FGGY: variants seen among roughly 807,000 people sequenced by gnomAD.
FGGY encodes the protein FGGY carbohydrate kinase domain-containing protein.
FGGY carries 72 observed loss-of-function variants against 71.3 expected under a neutral mutation model. The observed-to-expected ratio is 1.01, with a 90% confidence interval of 0.84 to 1.23. FGGY has a LOEUF of 1.23. Ranked by LOEUF, FGGY falls within the 50% of genes most tolerant of loss-of-function variation. The probability of loss-of-function intolerance (pLI) is 0.00; values close to 1 mark genes in which losing one functional copy is unlikely to be tolerated. For missense variants in FGGY, 668 were observed against 682.3 expected, an observed-to-expected ratio of 0.98 and a Z score of 0.23; for synonymous variants, 251 against 250.3, an observed-to-expected ratio of 1.00 and a Z score of -0.02.
chr1:59,512,576 T>C (rs1355969113), intron 7 of FGGY, 137 bp downstream of exon 7: 4 of 790,210 alleles, frequency 5.1e-6, no homozygotes, highest in Non-Finnish European at 7.2e-6. Context: ...GAAAAGCCTT[T>C]TTACAGCTAG....
chr1:59,762,689 G>A lies in FGGY; in HGVS notation c.*105G>A, dbSNP rs997278062. The A allele has an allele frequency of 1.3e-6, 1 of 797,766 alleles. No homozygotes were observed. The highest frequency in any genetic ancestry group is 2.0e-6 in the Non-Finnish European group (1 of 491,438). 49.4% of individuals were successfully genotyped at this position (797,766 alleles called of 1,614,324 possible). The stretch of plus-strand genomic sequence containing the variant: ...CTTGAGGTATTGTTTCATCATTTCT[G>A]TATTGTCTTTCAATAAAGAAAACAA... On this transcript the variant is annotated 3_prime_UTR_variant, in exon 16 of 16. Coordinates refer to ENST00000303721, the MANE Select transcript of FGGY (RefSeq NM_018291.5).
At chr1:59,720,702 AT>A (rs2097883745) in intron 14 of FGGY, among the ~76,000 whole-genome samples, 2 of 152,164 alleles carry the variant, frequency 1.3e-5, no homozygotes, top group Non-Finnish European at 2.9e-5. Flanking sequence ...TATTGTTATG[AT>A]GAATACTTGT....
In FGGY at chr1:59,599,898, A is replaced by C. The variant is rs567327211; in HGVS notation, c.904-7905A>C. Among the ~76,000 whole-genome samples the C allele has an allele frequency of 1.2e-4, 18 of 152,252 alleles. No homozygotes were observed. In the East Asian group the frequency reaches 3.1e-3, roughly 26 times the overall value. On this transcript the variant is annotated intron_variant, in intron 8 of 15. Transcript: ENST00000303721. ...GATGGGGGCAGAGGATTGGGAAATG[A>C]TAACATAGGGGATTTCAGGAGACAA...
At chr1:59,301,901 C>CTT (rs60018175) in intron 1 of FGGY, among the ~76,000 whole-genome samples, 24 of 138,398 alleles carry the variant, frequency 1.7e-4, no homozygotes, top group East Asian at 6.2e-4. Context: ...TTCTTTCTTT[C>CTT]TTTTTTTTTT....
intron 9 of FGGY, among the ~76,000 whole-genome samples, chr1:59,614,353 TC>T (rs2096726091): frequency 6.6e-6 from 1 of 152,104 alleles, no homozygotes; most frequent in South Asian, 2.1e-4. Context: ...CATATGCAAA[TC>T]AATAAACGTA....
chr1:59,614,428 G>A (rs1207686226), intron 9 of FGGY, among the ~76,000 whole-genome samples: 3 of 152,058 alleles, frequency 2.0e-5, no homozygotes, highest in Non-Finnish European at 4.4e-5. Context: ...TGCAGAAAAG[G>A]CCTTTGACAA....
chr1:59,725,748 A>G (rs531535391), intron 14 of FGGY, among the ~76,000 whole-genome samples: 12 of 152,126 alleles, frequency 7.9e-5, no homozygotes, highest in Admixed American at 5.9e-4. Flanking sequence ...CCTGTATCCT[A>G]TACCCTTACT....
chr1:59,444,891 T>C (rs1191094319), intron 5 of FGGY, among the ~76,000 whole-genome samples: 2 of 152,150 alleles, frequency 1.3e-5, no homozygotes, highest in Non-Finnish European at 2.9e-5. Context: ...CAGAGTTTAT[T>C]TCTCCTTATC....
Position 59,409,594 on chromosome 1 carries a change from TTTTTTATA to T in FGGY, c.554+30759_554+30766del, listed in dbSNP as rs1477001841. The stretch of plus-strand genomic sequence containing the variant: ...TTATTGCAAGCCTGTGAAGGAAGAG[TTTTTTATA>T]TATATATATATATATATATATAAAC... On this transcript the variant is annotated intron_variant, in intron 5 of 15. Transcript: ENST00000303721. 4.4e-4 allele frequency among the ~76,000 whole-genome samples: 58 copies of T among 132,164 alleles called. 3 individuals are homozygous for T. Among genetic ancestry groups the T allele is most frequent in the African/African-American group, 1.9e-3 (54 of 28,850 alleles). The allele number at this position is 132,164 out of a possible 152,430, so 86.7% of individuals were successfully genotyped here.
At position 59,520,927 on chromosome 1, in the gene FGGY, G is replaced by A. The variant is rs117742040; in HGVS notation, c.799+8488G>A. On this transcript the variant is annotated intron_variant, in intron 7 of 15. Coordinates refer to ENST00000303721, the MANE Select transcript of FGGY (RefSeq NM_018291.5). Reference sequence around the variant, plus strand: ...TCAGACCAGAGCAGAACCGTGCTGCGCAGGAGCCAGGCCAGGCGCTGGCCA... The same window carrying A: ...TCAGACCAGAGCAGAACCGTGCTGCACAGGAGCCAGGCCAGGCGCTGGCCA... Among the ~76,000 whole-genome samples, 26 of 151,788 alleles carry A rather than the reference G, an allele frequency of 1.7e-4. No homozygotes were observed. In the South Asian group the frequency reaches 1.9e-3, roughly 11 times the overall value.
At chr1:59,591,579 A>G (rs1295333161) in intron 8 of FGGY, among the ~76,000 whole-genome samples, 1 of 152,200 alleles carries the variant, frequency 6.6e-6, no homozygotes, top group Non-Finnish European at 1.5e-5. Flanking sequence ...TGGTACTGGT[A>G]ACAAAACAGA....
intron 2 of FGGY, among the ~76,000 whole-genome samples, chr1:59,325,305 C>T (rs1259576056): frequency 1.3e-5 from 2 of 152,082 alleles, no homozygotes; most frequent in Non-Finnish European, 2.9e-5. Context: ...TGCAGTGAGC[C>T]GAGATTGCGC....
intron 8 of FGGY, among the ~76,000 whole-genome samples, chr1:59,555,641 GA>G (rs986207375): frequency 1.3e-5 from 2 of 152,162 alleles, no homozygotes. Context: ...GGACTTTAAG[GA>G]AATAGATTTC....
intron 1 of FGGY, among the ~76,000 whole-genome samples, chr1:59,319,346 A>G (rs1557527601): frequency 1.3e-5 from 2 of 152,230 alleles, no homozygotes; most frequent in African/African-American, 2.4e-5. Context: ...CTGAAAACCT[A>G]TTATGTGCCA....
At chr1:59,561,414 T>A (rs1049549145) in intron 8 of FGGY, among the ~76,000 whole-genome samples, 2 of 151,916 alleles carry the variant, frequency 1.3e-5, no homozygotes, top group Non-Finnish European at 2.9e-5. Context: ...GAGGAGAGGG[T>A]TGATGTGGTT....
intron 6 of FGGY, among the ~76,000 whole-genome samples, chr1:59,471,100 A>C (rs2092918512): frequency 6.6e-6 from 1 of 152,156 alleles, no homozygotes; most frequent in Non-Finnish European, 1.5e-5. Flanking sequence ...ATCTCATCTC[A>C]AATTGTAATC....
intron 6 of FGGY, among the ~76,000 whole-genome samples, chr1:59,468,816 G>A (rs1316401306): frequency 3.3e-5 from 5 of 149,988 alleles, no homozygotes; most frequent in Non-Finnish European, 5.9e-5. Context: ...AGCTTGCAGT[G>A]AGCCAAGATT....
chr1:59,352,777 T>C (rs1187713432), intron 4 of FGGY, among the ~76,000 whole-genome samples: 1 of 152,226 alleles, frequency 6.6e-6, no homozygotes, highest in African/African-American at 2.4e-5. Context: ...AGCTAATTTT[T>C]AAAACCTTAT....
intron 10 of FGGY, among the ~76,000 whole-genome samples, chr1:59,627,139 G>A (rs1006684110): frequency 6.6e-6 from 1 of 151,842 alleles, no homozygotes; most frequent in Non-Finnish European, 1.5e-5. Flanking sequence ...TGAACCTACT[G>A]TATTACAAAG....
Sources: allele counts gnomAD v4.1 joint callset (sites outside exome capture counted in the v4.1 genomes callset), GRCh38; gene constraint gnomAD v4.1.1; transcripts MANE v1.5; gene names NCBI Gene and HGNC (gene_info 2026-07-23, HGNC 2026-07-21).